MYO16: variants seen among roughly 807,000 people sequenced by gnomAD.
MYO16 encodes the protein myosin XVI, also known as unconventional myosin-XVI.
Under a neutral mutation model 205.3 loss-of-function variants are expected in MYO16, and 94 were observed. The observed-to-expected ratio is 0.46, with a 90% CI of 0.39 to 0.54. The LOEUF (loss-of-function observed/expected upper bound fraction) is 0.54, where lower values mean the gene tolerates loss of function less well. MYO16 is among the 20% of genes least tolerant of loss of function. MYO16 has a pLI of 0.00. For synonymous variants in MYO16, 988 were observed against 954.0 expected (o/e 1.04, Z -0.66); for missense variants, 2,315 against 2,387.5 (o/e 0.97, Z 0.63).
rs556735396 is a variant in MYO16, at chr13:108,858,702, A to C, written c.1359+3149A>C. On this transcript the variant is annotated intron_variant, in intron 11 of 34. Transcript: ENST00000457511. The stretch of plus-strand genomic sequence containing the variant: ...TTGACCTCCCCTCTGTCTATTCTCA[A>C]CACAAAAATTCAGAGTAACAGTGTT... 6.6e-5 allele frequency among the ~76,000 whole-genome samples: 10 copies of C among 152,250 alleles called. No individual in the cohort carries two copies. The East Asian group carries it at 1.7e-3, about 27-fold the overall frequency.
chr13:108,574,190 A>G, the MYO16 span, among the ~76,000 whole-genome samples: 1 of 152,168 alleles, frequency 6.6e-6, no homozygotes, highest in South Asian at 2.1e-4. Context: ...TTTGTCCTGA[A>G]TACATCAACA....
intron 1 of MYO16, among the ~76,000 whole-genome samples, chr13:108,636,583 T>C (rs1390833833): frequency 6.6e-6 from 1 of 152,100 alleles, no homozygotes; most frequent in African/African-American, 2.4e-5. Flanking sequence ...TTTCACCATA[T>C]TGGCCAGGAT....
chr13:109,142,096 CT>C (rs1297603351), intron 32 of MYO16, among the ~76,000 whole-genome samples: 1 of 152,162 alleles, frequency 6.6e-6, no homozygotes, highest in Admixed American at 6.5e-5. Context: ...AAGAATGTAC[CT>C]GGCAAAATAA....
At chr13:108,789,877 A>G (rs941793214) in intron 5 of MYO16, among the ~76,000 whole-genome samples, 1 of 152,226 alleles carries the variant, frequency 6.6e-6, no homozygotes, top group African/African-American at 2.4e-5. Flanking sequence ...ATACAATGGC[A>G]TATGATAATG....
At chr13:109,122,075 C>T (rs566179765) in intron 29 of MYO16, among the ~76,000 whole-genome samples, 4 of 152,310 alleles carry the variant, frequency 2.6e-5, no homozygotes, top group South Asian at 2.1e-4. Context: ...ACACCAACAT[C>T]GCCAGGGATC....
At chr13:108,715,188 A>G (rs1883893222) in intron 3 of MYO16, among the ~76,000 whole-genome samples, 1 of 152,126 alleles carries the variant, frequency 6.6e-6, no homozygotes, top group Non-Finnish European at 1.5e-5. Context: ...CTGCTCCTTC[A>G]GCGCTGGCCC....
At chr13:108,810,288 TGACA>T (rs1887249451) in intron 7 of MYO16, among the ~76,000 whole-genome samples, 1 of 152,202 alleles carries the variant, frequency 6.6e-6, no homozygotes, top group South Asian at 2.1e-4. Flanking sequence ...CGCTTCAGAA[TGACA>T]GACTTTGAGT....
intron 9 of MYO16, among the ~76,000 whole-genome samples, chr13:108,842,033 G>C (rs555214385): frequency 6.6e-6 from 1 of 152,164 alleles, no homozygotes; most frequent in African/African-American, 2.4e-5. Context: ...ACAAAAGAAT[G>C]AAATTGGACC....
At chr13:108,696,380 T>C (rs541283038) in intron 2 of MYO16, among the ~76,000 whole-genome samples, 3 of 152,312 alleles carry the variant, frequency 2.0e-5, no homozygotes, top group African/African-American at 7.2e-5. Flanking sequence ...GGTATACTTA[T>C]ATAATGGAAT....
chr13:109,144,888 G>A (rs1429362530), intron 32 of MYO16, among the ~76,000 whole-genome samples: 3 of 152,180 alleles, frequency 2.0e-5, no homozygotes, highest in Non-Finnish European at 4.4e-5. Context: ...TGTATAGGAA[G>A]CAAGGTTGTT....
upstream of MYO16, among the ~76,000 whole-genome samples, chr13:108,595,247 A>G (rs1878513558): frequency 6.6e-6 from 1 of 152,156 alleles, no homozygotes; most frequent in South Asian, 2.1e-4. Flanking sequence ...TTGGAAATTC[A>G]CAGTTCATAT....
chr13:109,102,868 C>G (rs959412458), intron 28 of MYO16, among the ~76,000 whole-genome samples: 1 of 152,076 alleles, frequency 6.6e-6, no homozygotes, highest in African/African-American at 2.4e-5. Flanking sequence ...TTTCATGGCA[C>G]TAATCTATTT....
rs1317719389 is a variant in MYO16 at position 108,930,823 on chromosome 13, A to G, written c.1925+20673A>G. On this transcript the variant is annotated intron_variant, in intron 16 of 34. Coordinates refer to ENST00000457511, the MANE Select transcript of MYO16 (RefSeq NM_001198950.3). Reference sequence around the variant, plus strand: ...AGAAAAATCAAATATAAATAAACCAATGGGAAAGCATTTGCTCTATACTGT... The same window carrying G: ...AGAAAAATCAAATATAAATAAACCAGTGGGAAAGCATTTGCTCTATACTGT... Among the ~76,000 whole-genome samples, 5 of 152,224 alleles carry G rather than the reference A, an allele frequency of 3.3e-5. No individual in the cohort carries two copies. In the East Asian group the frequency reaches 9.6e-4, roughly 29 times the overall value.
intron 32 of MYO16, among the ~76,000 whole-genome samples, chr13:109,163,263 G>A (rs564013211): frequency 3.3e-5 from 5 of 152,162 alleles, no homozygotes; most frequent in Non-Finnish European, 7.4e-5. Flanking sequence ...GGGTTGATGC[G>A]GGAGAGGGCT....
chr13:108,503,642 A>C, the MYO16 span, among the ~76,000 whole-genome samples: 2,760 of 152,292 alleles, frequency 0.018, 66 homozygotes, highest in African/African-American at 0.059. Context: ...ATGGAGAATT[A>C]TAGAAATGCC....
At chr13:108,657,822 T>G (rs1412995826) in intron 1 of MYO16, among the ~76,000 whole-genome samples, 1 of 152,150 alleles carries the variant, frequency 6.6e-6, no homozygotes. Flanking sequence ...TCCTTATATA[T>G]TTTTCTATTT....
intron 1 of MYO16, among the ~76,000 whole-genome samples, chr13:108,632,397 A>G (rs1201064867): frequency 6.6e-6 from 1 of 152,162 alleles, no homozygotes; most frequent in African/African-American, 2.4e-5. Context: ...ACCTTCTGAA[A>G]TGTGCAACAT....
At chr13:109,135,844 C>T (rs1357421743) in intron 31 of MYO16, among the ~76,000 whole-genome samples, 1 of 152,210 alleles carries the variant, frequency 6.6e-6, no homozygotes, top group Non-Finnish European at 1.5e-5. Context: ...TGGAAGCTCA[C>T]TGAGTACTTC....
chr13:108,967,282 A>G (rs1027654646), intron 20 of MYO16, among the ~76,000 whole-genome samples: 5 of 152,082 alleles, frequency 3.3e-5, no homozygotes, highest in South Asian at 4.1e-4. Flanking sequence ...GTGAATGTCT[A>G]TTTGTTACAC....
Sources: gnomAD v4.1 joint callset for allele counts (sites outside exome capture counted in the v4.1 genomes callset) on GRCh38, gnomAD v4.1.1 for gene constraint, MANE v1.5 for transcripts, NCBI Gene and HGNC (gene_info 2026-07-23, HGNC 2026-07-21) for gene names.